Variants in COG5 observed in about 807,000 individuals in gnomAD.
COG5 encodes conserved oligomeric Golgi complex subunit 5.
In COG5, 86 loss-of-function variants were observed where a neutral mutation model predicts 110.4. The ratio of observed to expected loss-of-function variants is 0.78; its 90% CI spans 0.65 to 0.93. COG5 has a LOEUF of 0.93. COG5 is among the 40% of genes least tolerant of loss of function. COG5 has a pLI of 0.00. For synonymous variants in COG5, 360 were observed against 334.6 expected, an observed-to-expected ratio of 1.08 and a Z score of -0.83; for missense variants, 1,077 against 987.0, an observed-to-expected ratio of 1.09 and a Z score of -1.22.
chr7:107,305,996 G>A (rs938475162), intron 11 of COG5, among the ~76,000 whole-genome samples: 2 of 152,140 alleles, frequency 1.3e-5, no homozygotes, highest in African/African-American at 2.4e-5. Context: ...TACTGAAGGC[G>A]ATCTTAGAAT....
intron 17 of COG5, among the ~76,000 whole-genome samples, chr7:107,241,391 T>G (rs1801610044): frequency 6.8e-6 from 1 of 146,242 alleles, no homozygotes; most frequent in African/African-American, 2.6e-5. Context: ...CCTTCTGTGC[T>G]TCATATATAT....
At chr7:107,267,822 G>C (rs1263052757) in intron 14 of COG5, among the ~76,000 whole-genome samples, 2 of 152,168 alleles carry the variant, frequency 1.3e-5, no homozygotes, top group Non-Finnish European at 2.9e-5. Flanking sequence ...TTGGGAGGTT[G>C]AGGTGGGAGG....
chr7:107,325,904 C>T (rs540729898), intron 10 of COG5, among the ~76,000 whole-genome samples: 6 of 152,180 alleles, frequency 3.9e-5, no homozygotes, highest in African/African-American at 1.4e-4. Flanking sequence ...CAAATCAAAT[C>T]ATTGTTGATT....
intron 6 of COG5, among the ~76,000 whole-genome samples, chr7:107,509,453 A>C (rs1799320526): frequency 6.6e-6 from 1 of 152,242 alleles, no homozygotes; most frequent in Non-Finnish European, 1.5e-5. Flanking sequence ...GGGAGAATGG[A>C]ACCAAGTTGG....
chr7:107,434,787 A>G (rs148574325), intron 6 of COG5, among the ~76,000 whole-genome samples: 2,268 of 152,058 alleles, frequency 0.015, 21 homozygotes, highest in Middle Eastern at 0.031. Context: ...TGGCTAACAC[A>G]GTGAAACCCT....
intron 7 of COG5, among the ~76,000 whole-genome samples, chr7:107,400,269 A>G (rs960804177): frequency 6.6e-6 from 1 of 152,186 alleles, no homozygotes; most frequent in Non-Finnish European, 1.5e-5. Flanking sequence ...CAAAATAATT[A>G]TGTTGAATGT....
intron 7 of COG5, among the ~76,000 whole-genome samples, chr7:107,406,302 G>A (rs62482510): frequency 0.048 from 7,240 of 152,096 alleles, 251 homozygotes; most frequent in Middle Eastern, 0.085. Flanking sequence ...ACACCTACCC[G>A]TGCAGACACA....
intron 19 of COG5, among the ~76,000 whole-genome samples, chr7:107,224,649 G>A (rs1800190288): frequency 6.6e-6 from 1 of 152,234 alleles, no homozygotes; most frequent in South Asian, 2.1e-4. Flanking sequence ...GATCTATACT[G>A]ACAATGTCAA....
Position 107,270,882 on chromosome 7 carries a change from C to CTTTTTTTTTTTTTTT in COG5, c.1575+10403_1575+10417dup, listed in dbSNP as rs56971368. 6.5e-4 allele frequency among the ~76,000 whole-genome samples: 45 copies of CTTTTTTTTTTTTTTT among 68,750 alleles called. 7 individuals are homozygous for CTTTTTTTTTTTTTTT. The highest frequency in any genetic ancestry group is 8.2e-4 in the Non-Finnish European group (32 of 38,996). 45.1% of individuals were successfully genotyped at this position (68,750 alleles called of 152,430 possible). A position where few individuals can be genotyped will look rare whatever the true frequency, so the allele number is the denominator to read the frequency against. ...TTATACTTCATTATCCTAACTAGAA[C>CTTTTTTTTTTTTTTT]TTTTTTTTTTTTTTTTTTTTTTTTT... is the stretch of plus-strand genomic sequence containing the variant. On this transcript the variant is annotated intron_variant, in intron 14 of 21. Transcript: ENST00000297135.
chr7:107,338,299 A>G (rs1381093160), intron 10 of COG5, among the ~76,000 whole-genome samples: 2 of 152,160 alleles, frequency 1.3e-5, no homozygotes, highest in Non-Finnish European at 2.9e-5. Context: ...GAAACAAGAC[A>G]TATAGGCCAA....
At chr7:107,395,156 T>C (rs1387291179) in intron 7 of COG5, among the ~76,000 whole-genome samples, 2 of 152,122 alleles carry the variant, frequency 1.3e-5, no homozygotes, top group Non-Finnish European at 2.9e-5. Context: ...GTTTCAAAAC[T>C]AAAATATTTC....
At chr7:107,354,947 C>A (rs533110199) in intron 10 of COG5, among the ~76,000 whole-genome samples, 53 of 152,184 alleles carry the variant, frequency 3.5e-4, no homozygotes, top group Non-Finnish European at 6.5e-4. Flanking sequence ...ATAACTGTTA[C>A]AAAAGAAGCC....
intron 17 of COG5, among the ~76,000 whole-genome samples, chr7:107,239,126 T>C (rs1801425520): frequency 6.6e-6 from 1 of 152,254 alleles, no homozygotes; most frequent in African/African-American, 2.4e-5. Flanking sequence ...CTATTTTCAT[T>C]TGATTTTCAC....
intron 19 of COG5, among the ~76,000 whole-genome samples, chr7:107,212,575 A>G (rs1023901674): frequency 3.3e-5 from 5 of 152,248 alleles, no homozygotes; most frequent in Non-Finnish European, 7.3e-5. Context: ...TAGTTTTAAC[A>G]TAATTCTCAT....
chr7:107,219,225 G>A lies in COG5; in HGVS notation c.2169-8000C>T, dbSNP rs538203362. Among the ~76,000 whole-genome samples the A allele has an allele frequency of 5.1e-4, 78 of 152,190 alleles. 1 individual carries two copies. Among genetic ancestry groups the A allele is most frequent in the Admixed American group, 1.2e-3 (19 of 15,282 alleles). ...GAGTGTGGGGGAAAAGGGAACCCTT[G>A]TACACTGTTGGTGGGAATGTAAATT... On this transcript the variant is annotated intron_variant, in intron 19 of 21. Coordinates refer to ENST00000297135, the MANE Select transcript of COG5 (RefSeq NM_006348.5).
intron 6 of COG5, among the ~76,000 whole-genome samples, chr7:107,508,338 G>A (rs994626467): frequency 1.3e-5 from 2 of 152,206 alleles, no homozygotes; most frequent in East Asian, 1.9e-4. Context: ...GGGGAGGGGC[G>A]CCTGCCATTG....
At position 107,201,426 on chromosome 7, in the gene COG5, C is replaced by T. The variant is rs776238759; in HGVS notation, c.*2090G>A. Reference sequence around the variant, plus strand: ...TTTATTTCCACAGGGCTCACAACAACATTAAACCAGGATGCTTATGTTCTT... The same window carrying T: ...TTTATTTCCACAGGGCTCACAACAATATTAAACCAGGATGCTTATGTTCTT... On this transcript the variant is annotated 3_prime_UTR_variant, in exon 22 of 22. Transcript: ENST00000297135. 6.2e-5 allele frequency: 98 copies of T among 1,576,562 alleles called. No individual in the cohort carries two copies. In the South Asian group the frequency reaches 8.6e-4, roughly 14 times the overall value.
rs148037767 is a variant in COG5 at position 107,277,718 on chromosome 7, G to A, written c.1575+3582C>T. On this transcript the variant is annotated intron_variant, in intron 14 of 21. Coordinates refer to ENST00000297135, the MANE Select transcript of COG5 (RefSeq NM_006348.5). ...TGATTCACTATAAAGGTTAATGATG[G>A]TAGTTATTTTTGTGGCCCAACCTCA... Among the ~76,000 whole-genome samples, 313 of 152,146 alleles carry A rather than the reference G, an allele frequency of 2.1e-3. 4 individuals are homozygous for A. The East Asian group carries it at 0.027, about 13-fold the overall frequency.
chr7:107,472,262 A>G (rs1226611962), intron 6 of COG5: 1 of 152,022 alleles, frequency 6.6e-6, no homozygotes, highest in Non-Finnish European at 1.5e-5. Flanking sequence ...AAGAATTCCT[A>G]CAAGACATGA....
Sources: allele counts gnomAD v4.1 joint callset (sites outside exome capture counted in the v4.1 genomes callset), GRCh38; gene constraint gnomAD v4.1.1; transcripts MANE v1.5; gene names NCBI Gene and HGNC (gene_info 2026-07-23, HGNC 2026-07-21).